The following TDRKH variants were observed in gnomAD, a reference collection of about 807,000 sequenced individuals.
TDRKH encodes the protein tudor and KH domain-containing protein.
TDRKH carries 28 observed loss-of-function variants against 61.3 expected under a neutral mutation model. The observed-to-expected ratio is 0.46, with a 90% CI of 0.34 to 0.63. The LOEUF is 0.63. Among genes scored for constraint, TDRKH ranks in the 20% least tolerant of loss-of-function variants. The pLI, the probability that TDRKH is intolerant of heterozygous loss-of-function variation, is 0.01. For synonymous variants in TDRKH, 219 were observed against 244.4 expected (o/e 0.90, Z 0.97); for missense variants, 540 against 683.4 (o/e 0.79, Z 2.34).
At chr1:151,766,979 T>C (rs1040509717), downstream of TDRKH, 1 of 1,405,818 alleles carries the variant, frequency 7.1e-7, no homozygotes, top group Non-Finnish European at 9.8e-7. Flanking sequence ...TGGCAAGAAA[T>C]AACAACAGAA....
At position 151,782,910 on chromosome 1, in the gene TDRKH, C is replaced by G. The variant is rs765990429; in HGVS notation, c.113G>C (p.Arg38Thr). Residue 38 changes from arginine to threonine, a missense_variant, in exon 2 of 13, where the codon AGG becomes ACG. Physicochemically the swap from Arg to Thr is moderately conservative, Grantham distance 71 (BLOSUM62 -1). Around this residue, in one of 3 missense-constraint regions of TDRKH, gnomAD observed 156 missense variants for 218.0 expected, o/e 0.72. Coordinates refer to ENST00000368824, the MANE Select transcript of TDRKH (RefSeq NM_001083965.2). ...TVAYILYRRY[R>T]ESREERLTFV... ...TAGGGTTCACGTACCTCTGCTTTCC[C>G]TATACCTGCGGTATAGGATATAGGC... The G allele has an allele frequency of 9.3e-6, 15 of 1,609,464 alleles. 1 individual carries two copies. The East Asian group carries it at 3.4e-4, about 36-fold the overall frequency.
chr1:151,770,389 C>T, downstream of TDRKH: 2 of 1,330,114 alleles, frequency 1.5e-6, no homozygotes, highest in South Asian at 2.9e-5. Flanking sequence ...TTTCTTCCCA[C>T]CTACCACGAA....
At chr1:151,768,073 G>T (rs761821169), downstream of TDRKH, 14 of 1,613,820 alleles carry the variant, frequency 8.7e-6, no homozygotes, top group Non-Finnish European at 1.1e-5. Context: ...GAACTTGACG[G>T]TGCTGGCTAC....
chr1:151,771,005 A>C, downstream of TDRKH: 1 of 1,502,126 alleles, frequency 6.7e-7, no homozygotes. Flanking sequence ...CTAGTGGAAG[A>C]AATCAAATCT....
chr1:151,778,826 C>T lies in TDRKH; in HGVS notation c.742G>A (p.Ala248Thr), dbSNP rs375995205. 31 of 1,614,078 alleles carry T rather than the reference C, an allele frequency of 1.9e-5. No individual in the cohort carries two copies. The African/African-American group carries it at 3.9e-4, about 20-fold the overall frequency. ...TTGGGTGGAGGAGTCACCAGGGGTG[C>T]AGTCGGCTCCATGCTAGAACTGGTG... is the stretch of plus-strand genomic sequence containing the variant. ...KNTSSSMEPT[A>T]PLVTPPPKGG... Residue 248 changes from alanine (A) to threonine (T), a missense_variant, in exon 6 of 13, where the codon GCA becomes ACA. By Grantham distance (58) the Ala-to-Thr change is moderately conservative. Around this residue, in one of 3 missense-constraint regions of TDRKH, gnomAD observed 379 missense variants for 443.8 expected, o/e 0.85. Coordinates refer to ENST00000368824, the MANE Select transcript of TDRKH (RefSeq NM_001083965.2).
At chr1:151,770,996 T>C, downstream of TDRKH, 2 of 1,501,212 alleles carry the variant, frequency 1.3e-6, no homozygotes, top group Admixed American at 2.3e-5. Context: ...GGCCACTCCC[T>C]AGTGGAAGAA....
chr1:151,774,780 G>A lies in TDRKH; in HGVS notation c.1563C>T (p.Ser521=), dbSNP rs772180233. 6.2e-6 allele frequency: 10 copies of A among 1,614,202 alleles called. No homozygotes were observed. The highest frequency in any genetic ancestry group is 1.7e-4 in the Middle Eastern group (1 of 6,058). Residue 521 remains serine, a synonymous_variant, in exon 12 of 13, where the codon AGC becomes AGT. Transcript: ENST00000368824. The part of the protein sequence containing the change: ...DMATETDASL[S]TLLTETKKSS... ...TCTTTTTGGTCTCAGTGAGCAACGT[G>A]CTGAGAGAGGCATCTGTTTCTGTGG... is the stretch of plus-strand genomic sequence containing the variant.
intron 2 of TDRKH, chr1:151,781,955 TA>T (rs1649856823): frequency 2.2e-6 from 1 of 460,918 alleles, no homozygotes; most frequent in African/African-American, 2.0e-5. Flanking sequence ...GATAGGTACA[TA>T]AGTCATTTCT....
chr1:151,774,532 G>A (rs763720780), intron 12 of TDRKH, 28 bp from the exon 13 acceptor site: 25 of 1,613,246 alleles, frequency 1.5e-5, no homozygotes, highest in Middle Eastern at 3.3e-4. Flanking sequence ...GAAGGAGAAA[G>A]TTAGACACTG....
downstream of TDRKH, chr1:151,770,253 C>T: frequency 6.2e-7 from 1 of 1,613,268 alleles, no homozygotes; most frequent in Non-Finnish European, 8.5e-7. Flanking sequence ...ATCGGAACGA[C>T]AGAGGTGGGG....
chr1:151,767,537 A>T, downstream of TDRKH: 1 of 781,222 alleles, frequency 1.3e-6, no homozygotes, highest in East Asian at 3.3e-5. Context: ...ACAAAGGTAA[A>T]ACAAACTCTG....
chr1:151,782,167 C>T (rs1161630614), intron 2 of TDRKH: 2 of 362,252 alleles, frequency 5.5e-6, no homozygotes, highest in African/African-American at 4.3e-5. Context: ...TATGTAAGAA[C>T]ATAGCAAAGA....
intron 6 of TDRKH, among the ~76,000 whole-genome samples, chr1:151,777,996 CT>C (rs1233946672): frequency 6.6e-6 from 1 of 152,060 alleles, no homozygotes; most frequent in Non-Finnish European, 1.5e-5. Context: ...CTCATTTGTT[CT>C]GTTACAGAAA....
intron 1 of TDRKH, among the ~76,000 whole-genome samples, chr1:151,786,806 G>A (rs916075126): frequency 2.0e-5 from 3 of 152,134 alleles, no homozygotes; most frequent in Non-Finnish European, 2.9e-5. Context: ...CAAGGGTGTC[G>A]TCTATTTTGG....
chr1:151,790,425 G>C lies in TDRKH; in HGVS notation c.-73C>G, dbSNP rs1337167305. The C allele has an allele frequency of 6.5e-6, 1 of 153,118 alleles. No homozygotes were observed. The highest frequency in any genetic ancestry group is 1.5e-5 in the Non-Finnish European group (1 of 68,856). 9.5% of individuals were successfully genotyped at this position (153,118 alleles called of 1,614,324 possible). A position where few individuals can be genotyped will look rare whatever the true frequency, so the allele number is the denominator to read the frequency against. On this transcript the variant is annotated 5_prime_UTR_variant, in exon 1 of 13. Transcript: ENST00000368824. ...TTTACCGCTGCTCCAGTCAGCCGTCGAGTGCGCCGCCTCGCGCCTCACCCC... is the reference window on the plus strand; with the variant it reads ...TTTACCGCTGCTCCAGTCAGCCGTCCAGTGCGCCGCCTCGCGCCTCACCCC...
chr1:151,786,811 T>C (rs1238655518), intron 1 of TDRKH, among the ~76,000 whole-genome samples: 1 of 152,174 alleles, frequency 6.6e-6, no homozygotes, highest in Non-Finnish European at 1.5e-5. Context: ...GTGTCGTCTA[T>C]TTTGGGTCAT....
At chr1:151,770,683 T>C (rs1179469312), downstream of TDRKH, 1 of 237,262 alleles carries the variant, frequency 4.2e-6, no homozygotes, top group Non-Finnish European at 8.1e-6. Flanking sequence ...CTCTGTTGGA[T>C]ATAAGGGATG....
downstream of TDRKH, among the ~76,000 whole-genome samples, chr1:151,772,672 T>C (rs1648787555): frequency 6.6e-6 from 1 of 152,198 alleles, no homozygotes; most frequent in African/African-American, 2.4e-5. Flanking sequence ...CTCACAGTAC[T>C]GTCAGAAAGA....
At chr1:151,766,728 T>C (rs1319805758), downstream of TDRKH, 2 of 1,552,238 alleles carry the variant, frequency 1.3e-6, no homozygotes, top group Admixed American at 3.9e-5. Context: ...AAAACTGCCT[T>C]GTAAGAGGTG....
Sources: gnomAD v4.1 joint callset for allele counts (sites outside exome capture counted in the v4.1 genomes callset) on GRCh38, gnomAD v4.1.1 for gene constraint, gnomAD v4.1.1 regional missense constraint, MANE v1.5 for transcripts, NCBI Gene and HGNC (gene_info 2026-07-23, HGNC 2026-07-21) for gene names.